PRELID2: variants seen among roughly 807,000 people sequenced by gnomAD.
The protein encoded by PRELID2 is PRELI domain containing 2.
A neutral mutation model predicts 28.4 loss-of-function variants in PRELID2; 25 were observed. That is an observed-to-expected ratio of 0.88 (90% CI 0.64 to 1.23). The LOEUF (loss-of-function observed/expected upper bound fraction) is 1.23, where lower values mean the gene tolerates loss of function less well. Among genes scored for constraint, PRELID2 ranks in the 50% most tolerant of loss-of-function variants. The pLI is 0.00. For missense variants in PRELID2, 201 were observed against 214.4 expected (o/e 0.94, Z 0.39); for synonymous variants, 76 against 71.6 (o/e 1.06, Z -0.31).
At chr5:145,286,956 C>T in the PRELID2 span, among the ~76,000 whole-genome samples, 2 of 152,010 alleles carry the variant, frequency 1.3e-5, no homozygotes, top group African/African-American at 2.4e-5. Flanking sequence ...GTGATCTGCC[C>T]GCCTCAGCCT....
At chr5:145,650,150 T>C (rs925373760) in intron 1 of PRELID2, among the ~76,000 whole-genome samples, 2 of 151,702 alleles carry the variant, frequency 1.3e-5, no homozygotes, top group African/African-American at 2.4e-5. Flanking sequence ...AAATGAAACT[T>C]TAAAGTTTTA....
the PRELID2 span, among the ~76,000 whole-genome samples, chr5:145,400,919 T>C: frequency 6.6e-6 from 1 of 152,194 alleles, no homozygotes; most frequent in African/African-American, 2.4e-5. Flanking sequence ...GTGCCATTTT[T>C]CCCAATAATA....
chr5:145,251,905 C>G, the PRELID2 span, among the ~76,000 whole-genome samples: 1 of 152,226 alleles, frequency 6.6e-6, no homozygotes, highest in East Asian at 1.9e-4. Flanking sequence ...GGGTCCATGT[C>G]TGAATAATTT....
intron 1 of PRELID2, among the ~76,000 whole-genome samples, chr5:145,594,127 C>G (rs1230727999): frequency 6.6e-6 from 1 of 151,968 alleles, no homozygotes; most frequent in African/African-American, 2.4e-5. Flanking sequence ...GATTTTTAAC[C>G]CTTGATAAGC....
chr5:145,372,274 C>T, the PRELID2 span, among the ~76,000 whole-genome samples: 1 of 151,976 alleles, frequency 6.6e-6, no homozygotes, highest in Non-Finnish European at 1.5e-5. Context: ...TTTCTTAATC[C>T]TGAGTTCTAA....
At chr5:145,607,498 G>A (rs1753522055) in intron 1 of PRELID2, among the ~76,000 whole-genome samples, 1 of 151,952 alleles carries the variant, frequency 6.6e-6, no homozygotes, top group Non-Finnish European at 1.5e-5. Context: ...TAATTTTATT[G>A]TTTATCTAAA....
At chr5:145,274,543 A>G in the PRELID2 span, among the ~76,000 whole-genome samples, 2 of 152,174 alleles carry the variant, frequency 1.3e-5, no homozygotes, top group East Asian at 1.9e-4. Context: ...ACAGACTTAG[A>G]GGTTAAAAAG....
chr5:145,741,453 AATTT>A (rs1235718538), intron 1 of PRELID2, among the ~76,000 whole-genome samples: 59 of 88,424 alleles, frequency 6.7e-4, no homozygotes, highest in Non-Finnish European at 9.1e-4. Flanking sequence ...ATTTATAAAT[AATTT>A]ATTTATATAT....
At chr5:145,730,589 A>C (rs1054597942) in intron 1 of PRELID2, among the ~76,000 whole-genome samples, 1 of 152,112 alleles carries the variant, frequency 6.6e-6, no homozygotes, top group Non-Finnish European at 1.5e-5. Context: ...CTAGATAACT[A>C]CTCAGCATCC....
chr5:145,330,985 A>T, the PRELID2 span, among the ~76,000 whole-genome samples: 4 of 152,116 alleles, frequency 2.6e-5, no homozygotes, highest in African/African-American at 7.2e-5. Context: ...TTTTGTTCTC[A>T]TGGGTTTCAA....
chr5:145,393,832 G>A, the PRELID2 span, among the ~76,000 whole-genome samples: 3 of 152,170 alleles, frequency 2.0e-5, no homozygotes, highest in East Asian at 5.8e-4. Flanking sequence ...TCTGTCTTGG[G>A]GAGACTGCAT....
chr5:145,825,624 A>G (rs1159778614), intron 1 of PRELID2, among the ~76,000 whole-genome samples: 2 of 152,204 alleles, frequency 1.3e-5, no homozygotes, highest in African/African-American at 4.8e-5. Context: ...ATGATGATCA[A>G]ATTTTTCAAG....
the PRELID2 span, among the ~76,000 whole-genome samples, chr5:145,428,104 G>A: frequency 6.6e-6 from 1 of 152,048 alleles, no homozygotes; most frequent in Admixed American, 6.5e-5. Flanking sequence ...GATTACAGGT[G>A]CCTGCCACCA....
the PRELID2 span, among the ~76,000 whole-genome samples, chr5:145,391,955 A>G: frequency 3.3e-5 from 5 of 152,138 alleles, no homozygotes; most frequent in African/African-American, 4.8e-5. Context: ...CATTGTCCAT[A>G]TCACTATCAG....
intron 1 of PRELID2, among the ~76,000 whole-genome samples, chr5:145,652,813 C>T (rs897123117): frequency 9.2e-5 from 14 of 152,144 alleles, no homozygotes; most frequent in African/African-American, 3.4e-4. Context: ...AGTGTAAAGA[C>T]CATCGATGCT....
At chr5:145,520,519 T>C (rs1441780443) in intron 1 of PRELID2, among the ~76,000 whole-genome samples, 1 of 152,132 alleles carries the variant, frequency 6.6e-6, no homozygotes, top group Non-Finnish European at 1.5e-5. Flanking sequence ...CACCTGCAGT[T>C]CTCATCCCCT....
chr5:145,471,448 A>G (rs1429107562), downstream of PRELID2, among the ~76,000 whole-genome samples: 1 of 152,132 alleles, frequency 6.6e-6, no homozygotes, highest in South Asian at 2.1e-4. Context: ...TTTTAGAATC[A>G]ACTCCTTTGT....
rs904077785 is a variant in PRELID2 at position 145,516,770 on chromosome 5, G to A, written n.71-43455C>T. ...AGGCTCCAGTAACCAAAACAGCATG[G>A]TACTGGTACCAAAACAGATATATAG... On this transcript the variant is annotated intron_variant and non_coding_transcript_variant, in intron 1 of 2. Coordinates refer to the PRELID2 transcript ENST00000510259. Among the ~76,000 whole-genome samples, 44 of 152,210 alleles carry A rather than the reference G, an allele frequency of 2.9e-4. 1 individual carries two copies. Among genetic ancestry groups the A allele is most frequent in the African/African-American group, 1.0e-3 (43 of 41,520 alleles).
At chr5:145,491,298 T>A (rs1752266484) in intron 1 of PRELID2, among the ~76,000 whole-genome samples, 1 of 152,162 alleles carries the variant, frequency 6.6e-6, no homozygotes, top group Non-Finnish European at 1.5e-5. Flanking sequence ...CACTCTCACA[T>A]GGTGGAAGGG....
Sources: allele counts gnomAD v4.1 joint callset (sites outside exome capture counted in the v4.1 genomes callset), GRCh38; gene constraint gnomAD v4.1.1; transcripts MANE v1.5; gene names NCBI Gene and HGNC (gene_info 2026-07-23, HGNC 2026-07-21).